Variants in NRXN3 observed in about 807,000 individuals in gnomAD.
NRXN3 encodes the protein neurexin III.
Under a neutral mutation model 137.6 loss-of-function variants are expected in NRXN3, and 32 were observed. The observed-to-expected ratio is 0.23, with a 90% CI of 0.18 to 0.31. NRXN3 has a LOEUF of 0.31. Among genes scored for constraint, NRXN3 ranks in the 10% least tolerant of loss-of-function variants. The pLI, the probability that NRXN3 is intolerant of heterozygous loss-of-function variation, is 1.00. For missense variants in NRXN3, 1,574 were observed against 2,062.5 expected, an observed-to-expected ratio of 0.76 and a Z score of 4.59; for synonymous variants, 798 against 784.5, an observed-to-expected ratio of 1.02 and a Z score of -0.29.
At chr14:78,959,990 C>T (rs1054852010) in intron 11 of NRXN3, among the ~76,000 whole-genome samples, 4 of 152,158 alleles carry the variant, frequency 2.6e-5, no homozygotes, top group Non-Finnish European at 5.9e-5. Context: ...GCTGAGGGTA[C>T]TATAATGTGT....
chr14:78,406,493 C>T (rs534877887), intron 4 of NRXN3, among the ~76,000 whole-genome samples: 1 of 152,088 alleles, frequency 6.6e-6, no homozygotes, highest in South Asian at 2.1e-4. Flanking sequence ...ATAGGTAAGA[C>T]TAATAGAGAA....
chr14:79,137,761 T>G (rs1596374504), intron 15 of NRXN3, among the ~76,000 whole-genome samples: 1 of 152,192 alleles, frequency 6.6e-6, no homozygotes, highest in East Asian at 1.9e-4. Flanking sequence ...AATTCATATT[T>G]AAAATCATAT....
At chr14:79,274,643 T>C (rs1319763502) in intron 15 of NRXN3, among the ~76,000 whole-genome samples, 2 of 152,086 alleles carry the variant, frequency 1.3e-5, no homozygotes. Context: ...AATGCTTCTA[T>C]ATTAAAATAA....
At chr14:79,656,181 G>A (rs221452) in intron 16 of NRXN3, among the ~76,000 whole-genome samples, 38,999 of 152,114 alleles carry the variant, frequency 0.26, 5,534 homozygotes, top group African/African-American at 0.38. Flanking sequence ...TATGAAGACC[G>A]CTGGGTGGTT....
At chr14:79,211,536 A>G (rs1205058017) in intron 15 of NRXN3, among the ~76,000 whole-genome samples, 1 of 152,150 alleles carries the variant, frequency 6.6e-6, no homozygotes. Context: ...CATGTTACCA[A>G]TGAGGAAACA....
At chr14:79,264,522 ATGTGTGTGTGTG>A (rs34099529) in intron 15 of NRXN3, among the ~76,000 whole-genome samples, 4 of 145,178 alleles carry the variant, frequency 2.8e-5, no homozygotes, top group South Asian at 4.5e-4. Flanking sequence ...TGTTTACATG[ATGTGTGTGTGTG>A]TGTGTGTGTG....
At chr14:79,691,206 AG>A (rs891204468) in intron 17 of NRXN3, among the ~76,000 whole-genome samples, 1 of 151,988 alleles carries the variant, frequency 6.6e-6, no homozygotes, top group Non-Finnish European at 1.5e-5. Flanking sequence ...ACGAAGGAAG[AG>A]GGGGGGCATA....
intron 15 of NRXN3, among the ~76,000 whole-genome samples, chr14:79,042,517 A>G (rs2099626695): frequency 6.6e-6 from 1 of 152,188 alleles, no homozygotes; most frequent in Non-Finnish European, 1.5e-5. Flanking sequence ...GACTCCATAA[A>G]TCATACTCAT....
At chr14:79,765,664 C>T (rs1177514616) in intron 19 of NRXN3, among the ~76,000 whole-genome samples, 1 of 152,164 alleles carries the variant, frequency 6.6e-6, no homozygotes, top group Non-Finnish European at 1.5e-5. Flanking sequence ...TAGCAAATCA[C>T]ATAGTGCCAG....
Position 79,499,956 on chromosome 14 carries a change from C to CATGTGTGTGTGTGTGTGTGT in NRXN3, c.3444+32554_3444+32555insATGTGTGTGTGTGTGTGTGT, listed in dbSNP as rs60538373. Among the ~76,000 whole-genome samples, 439 of 145,234 alleles carry CATGTGTGTGTGTGTGTGTGT rather than the reference C, an allele frequency of 3.0e-3. 4 individuals carry two copies. Among genetic ancestry groups the CATGTGTGTGTGTGTGTGTGT allele is most frequent in the Admixed American group, 0.012 (170 of 14,404 alleles). ...GGTTTTCTGTCAGTTATCTTAGGGTCGTGTGTGTGTGTGTGTGTGTGTGTG... is the reference window on the plus strand; with the variant it reads ...GGTTTTCTGTCAGTTATCTTAGGGTCATGTGTGTGTGTGTGTGTGTGTGTGTGTGTGTGTGTGTGTGTGTG... On this transcript the variant is annotated intron_variant, in intron 16 of 20. Coordinates refer to ENST00000335750, the MANE Select transcript of NRXN3 (RefSeq NM_001330195.2).
intron 15 of NRXN3, among the ~76,000 whole-genome samples, chr14:79,210,694 G>T (rs1019233399): frequency 6.6e-6 from 1 of 152,160 alleles, no homozygotes; most frequent in Non-Finnish European, 1.5e-5. Context: ...AAACGTTCCT[G>T]ACTTCTGCAT....
intron 4 of NRXN3, among the ~76,000 whole-genome samples, chr14:78,326,592 G>A (rs2080114044): frequency 6.6e-6 from 1 of 152,218 alleles, no homozygotes; most frequent in Non-Finnish European, 1.5e-5. Flanking sequence ...ATACATCGTG[G>A]TGGGGTGCAC....
At chr14:79,105,942 C>G (rs2052351988) in intron 15 of NRXN3, among the ~76,000 whole-genome samples, 1 of 152,072 alleles carries the variant, frequency 6.6e-6, no homozygotes, top group Non-Finnish European at 1.5e-5. Context: ...ACTTTTCTGA[C>G]TTTTCTTTTC....
chr14:78,515,024 A>G (rs57872453), intron 4 of NRXN3, among the ~76,000 whole-genome samples: 3,279 of 152,244 alleles, frequency 0.022, 108 homozygotes, highest in African/African-American at 0.071. Context: ...CTATTGGCAC[A>G]TTAAGCCAGA....
At chr14:78,941,093 G>T (rs955095265) in intron 10 of NRXN3, among the ~76,000 whole-genome samples, 1 of 152,114 alleles carries the variant, frequency 6.6e-6, no homozygotes, top group Non-Finnish European at 1.5e-5. Context: ...TCATATAAAT[G>T]CATGTCAAGT....
intron 13 of NRXN3, among the ~76,000 whole-genome samples, chr14:78,967,655 C>G (rs1334777618): frequency 6.6e-6 from 1 of 152,018 alleles, no homozygotes; most frequent in Non-Finnish European, 1.5e-5. Context: ...GGATGAGTGT[C>G]AAAGTGTGGG....
At chr14:78,277,083 G>C (rs1415305139) in intron 2 of NRXN3, among the ~76,000 whole-genome samples, 1 of 152,152 alleles carries the variant, frequency 6.6e-6, no homozygotes, top group East Asian at 1.9e-4. Context: ...CAGCTTCTAG[G>C]GGAGGCAAGG....
chr14:79,218,658 C>T (rs1275639736), intron 15 of NRXN3, among the ~76,000 whole-genome samples: 4 of 152,128 alleles, frequency 2.6e-5, no homozygotes, highest in African/African-American at 9.7e-5. Context: ...CAGACAAGCA[C>T]ATCTAAGTCA....
At chr14:79,267,564 G>C (rs1220584242) in intron 15 of NRXN3, among the ~76,000 whole-genome samples, 1 of 151,816 alleles carries the variant, frequency 6.6e-6, no homozygotes, top group African/African-American at 2.4e-5. Flanking sequence ...CACCATGTTG[G>C]CCAGGCTGGT....
Sources: gnomAD v4.1 joint callset for allele counts (sites outside exome capture counted in the v4.1 genomes callset) on GRCh38, gnomAD v4.1.1 for gene constraint, MANE v1.5 for transcripts, NCBI Gene and HGNC (gene_info 2026-07-23, HGNC 2026-07-21) for gene names.